ACVR2A: variants seen among roughly 807,000 people sequenced by gnomAD.
The protein encoded by ACVR2A is activin A receptor type 2A.
ACVR2A carries 7 observed loss-of-function variants against 61.4 expected under a neutral mutation model. The observed-to-expected ratio is 0.11, with a 90% CI of 0.06 to 0.21. The LOEUF is 0.21. Ranked by LOEUF, ACVR2A falls within the 10% of genes least tolerant of loss-of-function variation. The pLI is 1.00. For missense variants in ACVR2A, 322 were observed against 621.7 expected (o/e 0.52, Z 5.13); for synonymous variants, 193 against 208.3 (o/e 0.93, Z 0.63).
intron 6 of ACVR2A, 28 bp downstream of exon 6, chr2:147,917,454 T>G (rs1558813543): frequency 6.2e-7 from 1 of 1,608,094 alleles, no homozygotes; most frequent in Non-Finnish European, 8.5e-7. Flanking sequence ...TTTACTTTAG[T>G]AAAGTCTGAG....
chr2:147,879,535 A>G (rs1279664119), intron 1 of ACVR2A, among the ~76,000 whole-genome samples: 1 of 152,196 alleles, frequency 6.6e-6, no homozygotes, highest in East Asian at 1.9e-4. Flanking sequence ...TCACCTATTA[A>G]AAGGAAGTTA....
intron 1 of ACVR2A, among the ~76,000 whole-genome samples, chr2:147,881,239 A>G (rs1209923063): frequency 1.3e-5 from 2 of 152,242 alleles, no homozygotes; most frequent in African/African-American, 4.8e-5. Flanking sequence ...GTTGTTCTAT[A>G]TATACTTTTT....
rs77011972 is a variant in ACVR2A at position 147,925,648 on chromosome 2, G to A, written c.1217-383G>A. On this transcript the variant is annotated intron_variant, in intron 9 of 10. Transcript: ENST00000241416. ...ATTGAACCTAGAGCCTCCAGAGCTGGAAGCACCACTGTTAACATTCTGATC... is the reference window on the plus strand; with the variant it reads ...ATTGAACCTAGAGCCTCCAGAGCTGAAAGCACCACTGTTAACATTCTGATC... 919 of 159,192 alleles carry A rather than the reference G, an allele frequency of 5.8e-3. 5 individuals carry two copies. The highest frequency in any genetic ancestry group is 9.4e-3 in the Non-Finnish European group (686 of 72,754). The allele number at this position is 159,192 out of a possible 1,614,324, so 9.9% of individuals were successfully genotyped here.
chr2:147,878,971 C>A (rs1225907929), intron 1 of ACVR2A, among the ~76,000 whole-genome samples: 1 of 151,854 alleles, frequency 6.6e-6, no homozygotes, highest in Non-Finnish European at 1.5e-5. Flanking sequence ...ATAAGCTTAA[C>A]TGATTATTTT....
At chr2:147,919,860 AT>A (rs1185373212) in intron 7 of ACVR2A, among the ~76,000 whole-genome samples, 2 of 152,138 alleles carry the variant, frequency 1.3e-5, no homozygotes, top group African/African-American at 4.8e-5. Flanking sequence ...AAGTTTCTTC[AT>A]TTTGGTTTAA....
chr2:147,922,321 A>G (rs1447410605), intron 8 of ACVR2A, among the ~76,000 whole-genome samples: 1 of 151,938 alleles, frequency 6.6e-6, no homozygotes, highest in Non-Finnish European at 1.5e-5. Flanking sequence ...TATCTAGACT[A>G]CTCTCTAGTT....
At chr2:147,884,542 G>A (rs1423105332) in intron 1 of ACVR2A, among the ~76,000 whole-genome samples, 1 of 152,110 alleles carries the variant, frequency 6.6e-6, no homozygotes, top group Non-Finnish European at 1.5e-5. Context: ...AATTAGCAGT[G>A]AAGTGAAGCA....
chr2:147,869,817 A>C (rs1446797233), intron 1 of ACVR2A, among the ~76,000 whole-genome samples: 2 of 152,014 alleles, frequency 1.3e-5, no homozygotes, highest in East Asian at 3.9e-4. Flanking sequence ...ATGAGTTAAA[A>C]TCTATATAGC....
intron 1 of ACVR2A, among the ~76,000 whole-genome samples, chr2:147,894,244 A>G (rs1004174161): frequency 3.9e-5 from 6 of 152,118 alleles, no homozygotes; most frequent in African/African-American, 9.6e-5. Flanking sequence ...TCTTTTCACT[A>G]TAACCATACT....
At chr2:147,856,150 T>C (rs1176297735) in intron 1 of ACVR2A, among the ~76,000 whole-genome samples, 1 of 152,222 alleles carries the variant, frequency 6.6e-6, no homozygotes, top group Non-Finnish European at 1.5e-5. Context: ...CTTGAATGTT[T>C]TTATCTGGAA....
At position 147,922,871 on chromosome 2, in the gene ACVR2A, C is replaced by T. The variant is rs574279115; in HGVS notation, c.1078-102C>T. On this transcript the variant is annotated intron_variant, in intron 8 of 10. Transcript: ENST00000241416. ...ATACGCTATAGTGTGTATACCTTAC[C>T]CTGGTAATAGACCACATTTGGTTTT... is the stretch of plus-strand genomic sequence containing the variant. 3.0e-5 allele frequency: 37 copies of T among 1,233,992 alleles called. 2 individuals carry two copies. In the South Asian group the frequency reaches 4.2e-4, roughly 14 times the overall value. The allele number at this position is 1,233,992 out of a possible 1,614,324, so 76.4% of individuals were successfully genotyped here. A position where few individuals can be genotyped will look rare whatever the true frequency, so the allele number is the denominator to read the frequency against.
rs555312543 is a variant in ACVR2A, at chr2:147,901,177, A to G, written c.528+1279A>G. 3.3e-5 allele frequency among the ~76,000 whole-genome samples: 5 copies of G among 152,214 alleles called. No homozygotes were observed. In the East Asian group the frequency reaches 7.7e-4, roughly 23 times the overall value. ...TCTATGTAGTTTACTCCAAATGGCC[A>G]TAGGATACACTTTACCTTCTGTCAG... On this transcript the variant is annotated intron_variant, in intron 4 of 10. Coordinates refer to ENST00000241416, the MANE Select transcript of ACVR2A (RefSeq NM_001616.5).
At chr2:147,868,621 T>TTTATTTATTTATTTA (rs1553485100) in intron 1 of ACVR2A, among the ~76,000 whole-genome samples, 81 of 151,064 alleles carry the variant, frequency 5.4e-4, no homozygotes, top group East Asian at 4.9e-3. Context: ...TTTTATTTTA[T>TTTATTTATTTATTTA]TTTATTTATT....
Position 147,896,288 on chromosome 2 carries a change from T to C in ACVR2A, c.56-13T>C, listed in dbSNP as rs1273788203. 6.9e-6 allele frequency: 11 copies of C among 1,596,618 alleles called. No homozygotes were observed. In the South Asian group the frequency reaches 1.0e-4, roughly 15 times the overall value. On this transcript the variant is annotated splice_polypyrimidine_tract_variant and intron_variant, in intron 1 of 10. Transcript: ENST00000241416. ...GATAATGTGGTTATATTATTGTTTT[T>C]ATTATCTTATAGGTGCTATACTTGG...
chr2:147,889,523 T>A (rs930668074), intron 1 of ACVR2A, among the ~76,000 whole-genome samples: 1 of 152,062 alleles, frequency 6.6e-6, no homozygotes, highest in Non-Finnish European at 1.5e-5. Context: ...GGCGGGCAGA[T>A]CACAAGGTCA....
rs150279100 is a variant in ACVR2A at position 147,903,522 on chromosome 2, A to G, written c.528+3624A>G. Among the ~76,000 whole-genome samples the G allele has an allele frequency of 2.6e-3, 391 of 151,940 alleles. 2 individuals carry two copies. Among genetic ancestry groups the G allele is most frequent in the African/African-American group, 8.7e-3 (362 of 41,530 alleles). On this transcript the variant is annotated intron_variant, in intron 4 of 10. Transcript: ENST00000241416. ...TACTATTGCCAGAATAGCATTTTACATGTTTGATTATGTTACTTATGTGCT... is the reference window on the plus strand; with the variant it reads ...TACTATTGCCAGAATAGCATTTTACGTGTTTGATTATGTTACTTATGTGCT...
intron 1 of ACVR2A, among the ~76,000 whole-genome samples, chr2:147,886,570 C>T (rs899737011): frequency 6.6e-6 from 1 of 152,168 alleles, no homozygotes; most frequent in African/African-American, 2.4e-5. Flanking sequence ...AAGATATTGT[C>T]ATCTTAATCA....
At chr2:147,904,213 G>A (rs2105199633) in intron 4 of ACVR2A, among the ~76,000 whole-genome samples, 1 of 152,054 alleles carries the variant, frequency 6.6e-6, no homozygotes, top group East Asian at 1.9e-4. Flanking sequence ...AATATGCATT[G>A]AGTAAACCGA....
intron 3 of ACVR2A, 26 bp downstream of exon 3, chr2:147,899,593 G>C (rs776493041): frequency 6.2e-7 from 1 of 1,602,802 alleles, no homozygotes; most frequent in Non-Finnish European, 8.5e-7. Context: ...AAATACGTAG[G>C]TTTGCTCAAC....
Sources: allele counts gnomAD v4.1 joint callset (sites outside exome capture counted in the v4.1 genomes callset), GRCh38; gene constraint gnomAD v4.1.1; transcripts MANE v1.5; gene names NCBI Gene and HGNC (gene_info 2026-07-23, HGNC 2026-07-21).